Variants in EFCAB10 observed in about 807,000 individuals in gnomAD.
The protein encoded by EFCAB10 is EF-hand calcium binding domain 10.
A neutral mutation model predicts 7.7 loss-of-function variants in EFCAB10; 7 were observed. That is an observed-to-expected ratio of 0.91 (90% CI 0.52 to 1.72). The LOEUF (loss-of-function observed/expected upper bound fraction) is 1.72, where lower values mean the gene tolerates loss of function less well. Among genes scored for constraint, EFCAB10 ranks in the 40% most tolerant of loss-of-function variants. The pLI is 0.00. For synonymous variants in EFCAB10, 52 were observed against 21.0 expected, an observed-to-expected ratio of 2.47 and a Z score of -4.03; for missense variants, 112 against 61.5, an observed-to-expected ratio of 1.82 and a Z score of -2.74.
intron 1 of EFCAB10, among the ~76,000 whole-genome samples, chr7:105,579,741 G>C (rs1249007566): frequency 6.6e-6 from 1 of 152,088 alleles, no homozygotes; most frequent in East Asian, 1.9e-4. Flanking sequence ...AGCAATATAG[G>C]CCTGTTATTT....
At chr7:105,573,774 T>G (rs1453493629) in intron 1 of EFCAB10, 1 of 152,156 alleles carries the variant, frequency 6.6e-6, no homozygotes, top group Non-Finnish European at 1.5e-5. Flanking sequence ...CTCAGAACAG[T>G]CACTTGCTCA....
At chr7:105,575,488 C>T (rs1368080779) in intron 1 of EFCAB10, among the ~76,000 whole-genome samples, 1 of 151,964 alleles carries the variant, frequency 6.6e-6, no homozygotes, top group Non-Finnish European at 1.5e-5. Context: ...TTTGTAACAA[C>T]CAGCAATTAT....
intron 3 of EFCAB10, chr7:105,567,753 A>G (rs1158032054): frequency 2.5e-6 from 1 of 396,342 alleles, no homozygotes; most frequent in Non-Finnish European, 4.5e-6. Context: ...GGAAACTGGC[A>G]GGGCACAGTG....
chr7:105,581,258 G>T (rs1446865307), intron 1 of EFCAB10, 100 bp downstream of exon 1: 3 of 656,110 alleles, frequency 4.6e-6, no homozygotes, highest in South Asian at 3.4e-5. Context: ...GGCTCACGTG[G>T]CTGGGAGGCA....
intron 3 of EFCAB10, chr7:105,567,754 G>T: frequency 2.5e-6 from 1 of 392,652 alleles, no homozygotes; most frequent in Non-Finnish European, 4.6e-6. Flanking sequence ...GAAACTGGCA[G>T]GGCACAGTGT....
intron 1 of EFCAB10, chr7:105,573,198 T>C (rs1054923964): frequency 6.6e-6 from 1 of 152,180 alleles, no homozygotes; most frequent in Admixed American, 6.6e-5. Flanking sequence ...AAACCAGAAG[T>C]AGACTTTTAA....
rs775261161 is a variant in EFCAB10, at chr7:105,565,280, G to A, written c.*167C>T. 6.3e-7 allele frequency: 1 copy of A among 1,582,692 alleles called. No individual in the cohort carries two copies. The highest frequency in any genetic ancestry group is 1.8e-5 in the Admixed American group (1 of 54,282). On this transcript the variant is annotated 3_prime_UTR_variant, in exon 5 of 5. Coordinates refer to ENST00000480514, the MANE Select transcript of EFCAB10 (RefSeq NM_001355526.2). ...GGTAAAAATGTGTTTTTTCCAGATG[G>A]TTGTCCTTGCCATCTCAGTCAGAGC...
At chr7:105,574,245 G>GTGTATATATA (rs1410043192) in intron 1 of EFCAB10, among the ~76,000 whole-genome samples, 1 of 143,744 alleles carries the variant, frequency 7.0e-6, no homozygotes, top group African/African-American at 2.5e-5. Context: ...CATATATACA[G>GTGTATATATA]TATATATATA....
intron 1 of EFCAB10, among the ~76,000 whole-genome samples, chr7:105,574,960 A>C (rs1792039467): frequency 6.7e-6 from 1 of 149,346 alleles, no homozygotes; most frequent in South Asian, 2.1e-4. Context: ...AAAAAAAATC[A>C]AAAAATTAGC....
In EFCAB10 at chr7:105,569,429, T is replaced by A; in HGVS notation, c.249A>T (p.Ile83=). Residue 83 remains isoleucine (I), a synonymous_variant, in exon 2 of 5, where the codon ATA becomes ATT. Transcript: ENST00000480514. ...EMMDSSGRGT[I]SFVQYKEALK... ...GACCTTCTTTATACTGCACAAATGA[T>A]ATGGTGCCTCTGCCTGAGGAGTCCA... 1 of 702,676 alleles carries A rather than the reference T, an allele frequency of 1.4e-6. No individual in the cohort carries two copies. The highest frequency in any genetic ancestry group is 2.6e-6 in the Non-Finnish European group (1 of 384,942). The allele number at this position is 702,676 out of a possible 1,614,324, so 43.5% of individuals were successfully genotyped here.
At chr7:105,566,629 G>A (rs1226160809) in intron 4 of EFCAB10, 1 of 151,756 alleles carries the variant, frequency 6.6e-6, no homozygotes, top group Non-Finnish European at 1.5e-5. Flanking sequence ...GACAGAGCAA[G>A]ACCATGTCTC....
chr7:105,581,013 A>T (rs1792219393), intron 1 of EFCAB10, among the ~76,000 whole-genome samples: 1 of 152,160 alleles, frequency 6.6e-6, no homozygotes, highest in East Asian at 1.9e-4. Context: ...TGAGGTCAGG[A>T]GTTCGAGACC....
At position 105,575,101 on chromosome 7, in the gene EFCAB10, G is replaced by A. The variant is rs1271294467; in HGVS notation, c.107-5530C>T. On this transcript the variant is annotated intron_variant, in intron 1 of 4. Coordinates refer to ENST00000480514, the MANE Select transcript of EFCAB10 (RefSeq NM_001355526.2). Reference sequence around the variant, plus strand: ...TTGCACTCCAGCCTGGGCAACAACAGCGAAACTCTGTCTCAAAAAAAAAAA... The same window carrying A: ...TTGCACTCCAGCCTGGGCAACAACAACGAAACTCTGTCTCAAAAAAAAAAA... Among the ~76,000 whole-genome samples the A allele has an allele frequency of 2.0e-5, 3 of 146,502 alleles. No individual in the cohort carries two copies. The Admixed American group carries it at 2.1e-4, about 10-fold the overall frequency.
intron 1 of EFCAB10, among the ~76,000 whole-genome samples, chr7:105,576,308 T>C (rs1205721288): frequency 6.6e-6 from 1 of 152,206 alleles, no homozygotes; most frequent in East Asian, 1.9e-4. Context: ...TCAACAGCAC[T>C]GCATACATAC....
At position 105,570,246 on chromosome 7, in the gene EFCAB10, T is replaced by A. The variant is rs1172699276; in HGVS notation, c.107-675A>T. ...AAAAAAAAAAAAAAAAAAAAATATATATATATATATATATATATATATACA... is the reference window on the plus strand; with the variant it reads ...AAAAAAAAAAAAAAAAAAAAATATAAATATATATATATATATATATATACA... On this transcript the variant is annotated intron_variant, in intron 1 of 4. Coordinates refer to ENST00000480514, the MANE Select transcript of EFCAB10 (RefSeq NM_001355526.2). Among the ~76,000 whole-genome samples the A allele has an allele frequency of 8.8e-3, 362 of 41,188 alleles. 3 individuals carry two copies. The highest frequency in any genetic ancestry group is 0.016 in the Middle Eastern group (1 of 64). The allele number at this position is 41,188 out of a possible 152,430, so 27.0% of individuals were successfully genotyped here.
intron 1 of EFCAB10, chr7:105,572,225 C>G (rs1359816635): frequency 2.0e-5 from 3 of 152,174 alleles, no homozygotes; most frequent in Admixed American, 2.0e-4. Flanking sequence ...TGCCTTTCAG[C>G]TCTTGAGCAT....
intron 1 of EFCAB10, chr7:105,573,355 C>T (rs1791995620): frequency 6.6e-6 from 1 of 152,178 alleles, no homozygotes; most frequent in Non-Finnish European, 1.5e-5. Flanking sequence ...GTTTGAATTT[C>T]AACTCACTAC....
At chr7:105,571,305 C>T (rs1299654687) in intron 1 of EFCAB10, 1 of 152,220 alleles carries the variant, frequency 6.6e-6, no homozygotes, top group East Asian at 1.9e-4. Flanking sequence ...AAACTTTCCA[C>T]TCAATCAGTG....
chr7:105,567,100 C>G, intron 4 of EFCAB10: 1 of 1,458,040 alleles, frequency 6.9e-7, no homozygotes, highest in Non-Finnish European at 9.1e-7. Context: ...CATTTCCCTC[C>G]TTTGTTTTCC....
Sources: gnomAD v4.1 joint callset for allele counts (sites outside exome capture counted in the v4.1 genomes callset) on GRCh38, gnomAD v4.1.1 for gene constraint, MANE v1.5 for transcripts, NCBI Gene and HGNC (gene_info 2026-07-23, HGNC 2026-07-21) for gene names.